The following HNRNPL variants were observed in gnomAD, a reference collection of about 807,000 sequenced individuals.
HNRNPL encodes the protein heterogeneous nuclear ribonucleoprotein L.
A neutral mutation model predicts 64.0 loss-of-function variants in HNRNPL; 12 were observed. The ratio of observed to expected loss-of-function variants is 0.19; its 90% CI spans 0.12 to 0.30. The LOEUF (loss-of-function observed/expected upper bound fraction) is 0.30. Among genes scored for constraint, HNRNPL ranks in the 10% least tolerant of loss-of-function variants. The pLI, the probability that HNRNPL is intolerant of heterozygous loss-of-function variation, is 1.00. For synonymous variants in HNRNPL, 385 were observed against 313.0 expected (o/e 1.23, Z -2.43); for missense variants, 484 against 797.4 (o/e 0.61, Z 4.73).
intron 1 of HNRNPL, chr19:38,849,374 G>A (rs1465419283): frequency 8.5e-5 from 24 of 283,238 alleles, no homozygotes; most frequent in East Asian, 7.7e-4. Context: ...AGCCAGCGAA[G>A]AAAATGATAA....
In HNRNPL at chr19:38,840,104, C is replaced by G. The variant is rs1399917028; in HGVS notation, c.1225G>C (p.Val409Leu). 2 of 1,611,920 alleles carry G rather than the reference C, an allele frequency of 1.2e-6. No individual in the cohort carries two copies. The highest frequency in any genetic ancestry group is 1.7e-6 in the Non-Finnish European group (2 of 1,179,396). Residue 409 changes from valine (V) to leucine (L), a missense_variant, in exon 8 of 13, where the codon GTG becomes CTG. By Grantham distance (32) the Val-to-Leu change is conservative. Transcript: ENST00000221419. Reference sequence around the variant, plus strand: ...GCCCGGCAGCAGCTCACCTTCTCCACATTGCCATATAAGCAGAAGACATTG... The same window carrying G: ...GCCCGGCAGCAGCTCACCTTCTCCAGATTGCCATATAAGCAGAAGACATTG... ...VFNVFCLYGN[V>L]EKVKFMKSKP...
intron 6 of HNRNPL, chr19:38,842,018 G>A: frequency 3.9e-6 from 1 of 256,638 alleles, no homozygotes; most frequent in South Asian, 3.8e-5. Flanking sequence ...TTACCCGGCA[G>A]CAGGTAACTG....
intron 9 of HNRNPL, 32 bp downstream of exon 9, chr19:38,838,862 C>G: frequency 6.2e-7 from 1 of 1,613,688 alleles, no homozygotes; most frequent in Non-Finnish European, 8.5e-7. Context: ...CTCCCCTGTA[C>G]CTCTGCTGCC....
rs1305872725 is a variant in HNRNPL, at chr19:38,845,840, T to G, written c.624+13A>C. The G allele has an allele frequency of 1.2e-6, 2 of 1,609,912 alleles. No individual in the cohort carries two copies. Among genetic ancestry groups the G allele is most frequent in the African/African-American group, 2.7e-5 (2 of 74,854 alleles). ...GAAGGGAGACCTCACAAGAAATGCC[T>G]GCTGGCACGTACCGTGGTGATCGAA... On this transcript the variant is annotated intron_variant, in intron 3 of 12. Coordinates refer to ENST00000221419, the MANE Select transcript of HNRNPL (RefSeq NM_001533.3).
intron 8 of HNRNPL, among the ~76,000 whole-genome samples, 167 bp downstream of exon 8, chr19:38,839,925 CAGTG>C (rs1256392286): frequency 6.6e-6 from 1 of 152,148 alleles, no homozygotes; most frequent in Admixed American, 6.5e-5. Context: ...CACCCACATA[CAGTG>C]AGGACCAAAC....
Position 38,845,584 on chromosome 19 carries a change from A to C in HNRNPL, c.710+66T>G. On this transcript the variant is annotated intron_variant, in intron 4 of 12. Coordinates refer to ENST00000221419, the MANE Select transcript of HNRNPL (RefSeq NM_001533.3). The stretch of plus-strand genomic sequence containing the variant: ...CAGCAGACACATGCTGGCTCAAAGA[A>C]TGGCCACTGTCAAGCCCTGCAAGAG... 10 of 1,293,678 alleles carry C rather than the reference A, an allele frequency of 7.7e-6. No homozygotes were observed. The South Asian group carries it at 1.2e-4, about 15-fold the overall frequency. 80.1% of individuals were successfully genotyped at this position (1,293,678 alleles called of 1,614,324 possible). A position where few individuals can be genotyped will look rare whatever the true frequency, so the allele number is the denominator to read the frequency against.
intron 2 of HNRNPL, among the ~76,000 whole-genome samples, chr19:38,846,438 T>C (rs1568373704): frequency 2.6e-5 from 4 of 152,158 alleles, no homozygotes; most frequent in Admixed American, 1.3e-4. Flanking sequence ...ATTTGCAGTA[T>C]ATAGCATGCA....
rs1337283642 is a variant in HNRNPL at position 38,837,649 on chromosome 19, G to A, written c.1560C>T (p.Ile520=). ...LEVTEENFFE[I]CDELGVKRPS... is the part of the protein sequence containing the mutation. ...GCCGCTTCACTCCCAGCTCATCGCAGATCTGCAAAAGAAAACAGGTAGTAA... is the reference window on the plus strand; with the variant it reads ...GCCGCTTCACTCCCAGCTCATCGCAAATCTGCAAAAGAAAACAGGTAGTAA... The change falls in exon 11 of 13, where the codon ATC becomes ATT. Residue 520 remains isoleucine, a splice_region_variant and synonymous_variant. Coordinates refer to ENST00000221419, the MANE Select transcript of HNRNPL (RefSeq NM_001533.3). The A allele has an allele frequency of 2.5e-6, 4 of 1,614,064 alleles. No individual in the cohort carries two copies. The East Asian group carries it at 8.9e-5, about 36-fold the overall frequency.
rs766793183 is a variant in HNRNPL, at chr19:38,840,195, G to A, written c.1134C>T (p.His378=). Residue 378 remains histidine, a synonymous_variant, in exon 8 of 13, where the codon CAC becomes CAT. Coordinates refer to ENST00000221419, the MANE Select transcript of HNRNPL (RefSeq NM_001533.3). The part of the protein sequence containing the change: ...PPPPPPEYGP[H]ADSPVLMVYG... ...AGACCATGAGCACAGGGCTGTCGGC[G>A]TGAGGGCCATACTCGGGTGGTGGGG... is the stretch of plus-strand genomic sequence containing the variant. 75 of 1,309,218 alleles carry A rather than the reference G, an allele frequency of 5.7e-5. 2 individuals carry two copies. In the Middle Eastern group the frequency reaches 9.3e-4, roughly 16 times the overall value. The allele number at this position is 1,309,218 out of a possible 1,614,324, so 81.1% of individuals were successfully genotyped here. A position where few individuals can be genotyped will look rare whatever the true frequency, so the allele number is the denominator to read the frequency against.
rs538500027 is a variant in HNRNPL, at chr19:38,849,924, G to T, written c.43C>A (p.Arg15=). 7,679 of 1,339,122 alleles carry T rather than the reference G, an allele frequency of 5.7e-3. 30 individuals carry two copies. Among genetic ancestry groups the T allele is most frequent in the Non-Finnish European group, 7.1e-3 (7,022 of 992,646 alleles). 83.0% of individuals were successfully genotyped at this position (1,339,122 alleles called of 1,614,324 possible). Residue 15 remains arginine (R), a synonymous_variant, in exon 1 of 13, where the codon CGG becomes AGG. Coordinates refer to ENST00000221419, the MANE Select transcript of HNRNPL (RefSeq NM_001533.3). ...LLPRAEKRRR[R]LEQRQQPDEQ... ...TCCGGCTGCTGCCTCTGCTCCAGCC[G>T]CCGACGCCGCTTCTCCGCCCGGGGC...
At chr19:38,839,708 C>T (rs551830671) in intron 8 of HNRNPL, 71 of 223,900 alleles carry the variant, frequency 3.2e-4, no homozygotes, top group African/African-American at 1.7e-3. Flanking sequence ...CACTCAGCCA[C>T]CGCTAGCCCC....
intron 6 of HNRNPL, chr19:38,841,438 T>C: frequency 5.3e-6 from 2 of 378,520 alleles, no homozygotes; most frequent in East Asian, 7.2e-5. Flanking sequence ...CTGAGCCATA[T>C]TTGAACCCAG....
At chr19:38,848,648 G>A (rs1318757034) in intron 1 of HNRNPL, among the ~76,000 whole-genome samples, 2 of 152,126 alleles carry the variant, frequency 1.3e-5, no homozygotes, top group African/African-American at 4.8e-5. Flanking sequence ...AGGCACTCCC[G>A]CCAGGTTAGC....
At chr19:38,844,272 GTGT>G in intron 4 of HNRNPL, among the ~76,000 whole-genome samples, 168 bp from the exon 5 acceptor site, 1 of 152,290 alleles carries the variant, frequency 6.6e-6, no homozygotes, top group East Asian at 1.9e-4. Flanking sequence ...GACCAAAACG[GTGT>G]TGATGGACTC....
chr19:38,845,850 T>C lies in HNRNPL; in HGVS notation c.624+3A>G. On this transcript the variant is annotated splice_donor_region_variant and intron_variant, in intron 3 of 12. Coordinates refer to ENST00000221419, the MANE Select transcript of HNRNPL (RefSeq NM_001533.3). ...CTCACAAGAAATGCCTGCTGGCACG[T>C]ACCGTGGTGATCGAATAAATGGGGT... is the stretch of plus-strand genomic sequence containing the variant. 2 of 1,613,002 alleles carry C rather than the reference T, an allele frequency of 1.2e-6. No individual in the cohort carries two copies. Among genetic ancestry groups the C allele is most frequent in the Non-Finnish European group, 1.7e-6 (2 of 1,178,904 alleles).
At chr19:38,848,502 G>T (rs1379793518) in intron 1 of HNRNPL, among the ~76,000 whole-genome samples, 1 of 152,218 alleles carries the variant, frequency 6.6e-6, no homozygotes, top group African/African-American at 2.4e-5. Flanking sequence ...TGGTCATCAG[G>T]AGAAAGATTA....
chr19:38,847,502 A>G (rs862455), intron 1 of HNRNPL, 68 bp from the exon 2 acceptor site: 603,251 of 904,740 alleles, frequency 0.67, 203,296 homozygotes, highest in South Asian at 0.75. Flanking sequence ...TGGCCTCTGT[A>G]CTGTTGTAGA....
At chr19:38,851,567 G>C (rs1036192017), upstream of HNRNPL, among the ~76,000 whole-genome samples, 4 of 152,210 alleles carry the variant, frequency 2.6e-5, no homozygotes, top group African/African-American at 9.6e-5. Flanking sequence ...CTGCCCGGCT[G>C]ATGGGGGATT....
intron 4 of HNRNPL, chr19:38,844,899 G>C (rs1159901512): frequency 6.6e-6 from 1 of 151,982 alleles, no homozygotes; most frequent in Non-Finnish European, 1.5e-5. Flanking sequence ...ATTAGCGACA[G>C]GGTTTCACCA....
Sources: allele counts gnomAD v4.1 joint callset (sites outside exome capture counted in the v4.1 genomes callset), GRCh38; gene constraint gnomAD v4.1.1; transcripts MANE v1.5; gene names NCBI Gene and HGNC (gene_info 2026-07-23, HGNC 2026-07-21).